ITPR1: variants seen among roughly 807,000 people sequenced by gnomAD.
ITPR1 encodes inositol 1,4,5-trisphosphate-gated calcium channel ITPR1.
Under a neutral mutation model 318.4 loss-of-function variants are expected in ITPR1, and 96 were observed. That is an observed-to-expected ratio of 0.30 (90% CI 0.26 to 0.36). The LOEUF (loss-of-function observed/expected upper bound fraction) is 0.36, where lower values mean the gene tolerates loss of function less well. Among genes scored for constraint, ITPR1 ranks in the 10% least tolerant of loss-of-function variants. The probability of loss-of-function intolerance (pLI) is 1.00; values close to 1 mark genes in which losing one functional copy is unlikely to be tolerated. For synonymous variants in ITPR1, 1,312 were observed against 1,289.9 expected (o/e 1.02, Z -0.37); for missense variants, 2,440 against 3,460.2 (o/e 0.71, Z 7.40).
In ITPR1 at chr3:4,710,490, T is replaced by C; in HGVS notation, c.4991+17T>C. 1 of 1,549,952 alleles carries C rather than the reference T, an allele frequency of 6.5e-7. No individual in the cohort carries two copies. Among genetic ancestry groups the C allele is most frequent in the Non-Finnish European group, 8.7e-7 (1 of 1,145,548 alleles). Reference sequence around the variant, plus strand: ...CATTTGCAAGTAAGCGGCCTCTCTCTCTGGGGTGTTCATTTGCCAGAACCT... The same window carrying C: ...CATTTGCAAGTAAGCGGCCTCTCTCCCTGGGGTGTTCATTTGCCAGAACCT... On this transcript the variant is annotated intron_variant, in intron 38 of 61. Coordinates refer to ENST00000649015, the MANE Select transcript of ITPR1 (RefSeq NM_001378452.1). This position sits in a 1 kb window ranked among gnomAD's most constrained non-coding sequence, Gnocchi z 4.2.
At chr3:4,831,922 A>AG (rs2106533996) in intron 60 of ITPR1, among the ~76,000 whole-genome samples, 2 of 152,354 alleles carry the variant, frequency 1.3e-5, no homozygotes, top group South Asian at 4.1e-4. Flanking sequence ...CTCTGTGCAG[A>AG]GGGGGACCCT....
At chr3:4,800,853 A>G (rs1176326036) in intron 54 of ITPR1, among the ~76,000 whole-genome samples, 1 of 152,202 alleles carries the variant, frequency 6.6e-6, no homozygotes, top group Non-Finnish European at 1.5e-5. Context: ...CCCTGTCAGG[A>G]GATAGGCAGA....
chr3:4,508,901 C>T (rs2081592694), intron 2 of ITPR1, among the ~76,000 whole-genome samples: 1 of 152,154 alleles, frequency 6.6e-6, no homozygotes. Flanking sequence ...CGTGGGCTTA[C>T]AGAGGATTTA....
intron 28 of ITPR1, 92 bp from the exon 29 acceptor site, chr3:4,684,189 C>G: frequency 1.2e-6 from 1 of 813,598 alleles, no homozygotes; most frequent in Non-Finnish European, 2.1e-6. Flanking sequence ...TATAGAACTC[C>G]CTTTCTTTCC....
intron 2 of ITPR1, among the ~76,000 whole-genome samples, chr3:4,512,728 C>G (rs2081925967): frequency 6.6e-6 from 1 of 152,102 alleles, no homozygotes; most frequent in African/African-American, 2.4e-5. Context: ...GTACCAGGTG[C>G]TTTTCAAGCA....
chr3:4,783,472 T>C (rs1294141731), intron 50 of ITPR1, among the ~76,000 whole-genome samples: 2 of 152,024 alleles, frequency 1.3e-5, no homozygotes, highest in African/African-American at 4.8e-5. Flanking sequence ...CTGCCTCTTT[T>C]CCCTTCCATG....
intron 4 of ITPR1, among the ~76,000 whole-genome samples, chr3:4,566,872 A>G (rs1025237704): frequency 6.6e-6 from 1 of 151,980 alleles, no homozygotes; most frequent in Admixed American, 6.6e-5. Context: ...AGTGTTTATC[A>G]TATTCTCTTC....
intron 40 of ITPR1, 124 bp from the exon 41 acceptor site, chr3:4,725,422 C>G: frequency 2.6e-6 from 2 of 758,808 alleles, no homozygotes; most frequent in African/African-American, 1.7e-5. Flanking sequence ...GGTGATCCAG[C>G]AGGGTTGCCT....
intron 3 of ITPR1, among the ~76,000 whole-genome samples, chr3:4,518,099 A>G (rs2082291453): frequency 1.3e-5 from 2 of 152,220 alleles, no homozygotes; most frequent in African/African-American, 4.8e-5. Flanking sequence ...TAGGGCTGCC[A>G]GCAGTTGCTC....
intron 4 of ITPR1, among the ~76,000 whole-genome samples, chr3:4,582,851 C>T (rs985419084): frequency 1.5e-4 from 23 of 152,156 alleles, no homozygotes; most frequent in African/African-American, 5.1e-4. Flanking sequence ...CAGCTCTGTG[C>T]GTGCTTCAGG....
At chr3:4,712,228 T>G (rs1162259096) in intron 39 of ITPR1, among the ~76,000 whole-genome samples, 1 of 152,252 alleles carries the variant, frequency 6.6e-6, no homozygotes, top group Non-Finnish European at 1.5e-5. Flanking sequence ...CAAGCATACC[T>G]GTGGGTTTAC....
At chr3:4,706,139 G>T (rs1171058205) in intron 36 of ITPR1, 28 bp from the exon 37 acceptor site, 1 of 1,613,572 alleles carries the variant, frequency 6.2e-7, no homozygotes, top group Non-Finnish European at 8.5e-7. Flanking sequence ...AAAGTTGTAG[G>T]CTCACGACTC....
chr3:4,536,420 C>A (rs2083880291), intron 4 of ITPR1, among the ~76,000 whole-genome samples: 1 of 152,178 alleles, frequency 6.6e-6, no homozygotes, highest in Non-Finnish European at 1.5e-5. Flanking sequence ...TCAACTATTG[C>A]AATGGAAAAT....
intron 26 of ITPR1, among the ~76,000 whole-genome samples, chr3:4,682,635 T>C (rs2094322250): frequency 6.6e-6 from 1 of 152,256 alleles, no homozygotes; most frequent in African/African-American, 2.4e-5. Flanking sequence ...ACAGGTTCCA[T>C]GTGCTGTGTG....
Position 4,676,685 on chromosome 3 carries a change from T to C in ITPR1, c.2851T>C (p.Phe951Leu). ...CCAGGTGGTGCTCCGGGGAGGAGGC[T>C]TTTTGCCCATGACTCCCATGGCTGC... ...MTQVVLRGGGFLPMTPMAAAP... is the reference protein window; with the variant it reads ...MTQVVLRGGGLLPMTPMAAAP... The change falls in exon 24 of 62, where the codon TTT becomes CTT. Residue 951 changes from phenylalanine to leucine, a missense_variant. This residue lies in a region of ITPR1 where 478 missense variants were observed against 696.3 expected (regional missense o/e 0.69). Coordinates refer to ENST00000649015, the MANE Select transcript of ITPR1 (RefSeq NM_001378452.1). The C allele has an allele frequency of 6.2e-7, 1 of 1,613,644 alleles. No homozygotes were observed. Among genetic ancestry groups the C allele is most frequent in the South Asian group, 1.1e-5 (1 of 91,026 alleles).
chr3:4,563,794 G>A (rs1397313167), intron 4 of ITPR1, among the ~76,000 whole-genome samples: 1 of 152,038 alleles, frequency 6.6e-6, no homozygotes, highest in Admixed American at 6.5e-5. Context: ...GTGGGTTCAT[G>A]GTTGTTTATT....
At chr3:4,658,086 C>G (rs183592308) in intron 12 of ITPR1, 38 bp from the exon 13 acceptor site, 2 of 1,565,346 alleles carry the variant, frequency 1.3e-6, no homozygotes, top group East Asian at 2.3e-5. Flanking sequence ...AAGGCTTTGG[C>G]ATGCATGGTT....
chr3:4,709,464 A>C (rs750343002), intron 37 of ITPR1, among the ~76,000 whole-genome samples: 6 of 152,234 alleles, frequency 3.9e-5, no homozygotes, highest in Non-Finnish European at 7.3e-5. Flanking sequence ...TTTCCCATGC[A>C]AATGTCCTTG....
intron 44 of ITPR1, among the ~76,000 whole-genome samples, chr3:4,739,610 A>T (rs2043551335): frequency 6.6e-6 from 1 of 152,234 alleles, no homozygotes; most frequent in African/African-American, 2.4e-5. Flanking sequence ...AGCTGGACAA[A>T]ACCCATGATA....
Sources: gnomAD v4.1 joint callset for allele counts (sites outside exome capture counted in the v4.1 genomes callset) on GRCh38, gnomAD v4.1.1 for gene constraint, gnomAD v4.1.1 regional missense constraint, Gnocchi (gnomAD v3.1) non-coding constraint, MANE v1.5 for transcripts, NCBI Gene and HGNC (gene_info 2026-07-23, HGNC 2026-07-21) for gene names.